Variants in PEG3 observed in about 807,000 individuals in gnomAD.
The protein encoded by PEG3 is paternally expressed 3.
A neutral mutation model predicts 35.5 loss-of-function variants in PEG3; 23 were observed. That is an observed-to-expected ratio of 0.65 (90% confidence interval 0.47 to 0.92). PEG3 has a LOEUF of 0.92. Ranked by LOEUF, PEG3 falls within the 40% of genes least tolerant of loss-of-function variation. The pLI, the probability that PEG3 is intolerant of heterozygous loss-of-function variation, is 0.00. For missense variants in PEG3, 1,960 were observed against 1,985.3 expected (o/e 0.99, Z 0.24); for synonymous variants, 707 against 697.0 (o/e 1.01, Z -0.23).
In PEG3 at chr19:56,816,292, C is replaced by A; in HGVS notation, c.2150G>T (p.Gly717Val). 6.2e-7 allele frequency: 1 copy of A among 1,613,904 alleles called. No homozygotes were observed. Among genetic ancestry groups the A allele is most frequent in the Admixed American group, 1.7e-5 (1 of 60,014 alleles). ...HSRKNLFEGR[G>V]YEKSVIHSGP... Reference sequence around the variant, plus strand: ...ACTATGAATGACAGATTTCTCATACCCTCTGCCTTCAAAGAGGTTCTTTCG... The same window carrying A: ...ACTATGAATGACAGATTTCTCATACACTCTGCCTTCAAAGAGGTTCTTTCG... The change falls in exon 10 of 10, where the codon GGG (glycine) becomes GTG (valine). Residue 717 changes from glycine (G) to valine (V), a missense_variant. Gly to Val is a moderately radical substitution (Grantham distance 109). Around this residue, in one of 5 missense-constraint regions of PEG3, gnomAD observed 798 missense variants for 782.4 expected, o/e 1.02. Coordinates refer to ENST00000326441, the MANE Select transcript of PEG3 (RefSeq NM_006210.3).
At position 56,824,502 on chromosome 19, in the gene PEG3, G is replaced by A. The variant is rs1306029349; in HGVS notation, c.154C>T (p.Leu52=). 2 of 1,613,930 alleles carry A rather than the reference G, an allele frequency of 1.2e-6. No homozygotes were observed. ...SEFFHQRFRN[L]IYVEFVGPRK... is the part of the protein sequence containing the mutation. ...GGCCCAACAAATTCCACATAGATTA[G>A]GTTCCGAAACCTCTGATGAAAAAAC... Residue 52 remains leucine, a synonymous_variant, in exon 4 of 10, where the codon CTA becomes TTA. Transcript: ENST00000326441.
In PEG3 at chr19:56,817,089, T is replaced by C. The variant is rs756006110; in HGVS notation, c.1353A>G (p.Pro451=). 7.4e-6 allele frequency: 12 copies of C among 1,614,106 alleles called. No homozygotes were observed. Among genetic ancestry groups the C allele is most frequent in the East Asian group, 2.2e-5 (1 of 44,876 alleles). The change falls in exon 10 of 10, where the codon CCA becomes CCG. Residue 451 remains proline, a synonymous_variant. Transcript: ENST00000326441. ...ESQPIDFGAM[P]YVCDECGRSF... ...ACCTCCCACACTCATCACATACATA[T>C]GGCATTGCCCCAAAATCAATTGGCT... is the stretch of plus-strand genomic sequence containing the variant.
At position 56,824,298 on chromosome 19, in the gene PEG3, G is replaced by A. The variant is rs199583089; in HGVS notation, c.358C>T (p.Leu120=). 1.9e-5 allele frequency: 30 copies of A among 1,613,986 alleles called. No homozygotes were observed. The highest frequency in any genetic ancestry group is 2.2e-5 in the East Asian group (1 of 44,860). ...TACATCTCCTTGTAATTCTCCAGCA[G>A]AGTGACGAGCTTCTCACAGTTCTCC... ...KPENCEKLVT[L]LENYKEMYQP... is the part of the protein sequence containing the mutation. Residue 120 remains leucine (L), a synonymous_variant, in exon 4 of 10, where the codon CTG becomes TTG. Coordinates refer to ENST00000326441, the MANE Select transcript of PEG3 (RefSeq NM_006210.3).
In PEG3 at chr19:56,824,360, G is replaced by A. The variant is rs751413834; in HGVS notation, c.296C>T (p.Pro99Leu). The change falls in exon 4 of 10, where the codon CCT becomes CTT. Residue 99 changes from proline to leucine, a missense_variant. By Grantham distance (98) the Pro-to-Leu change is moderately conservative. Around this residue, in one of 5 missense-constraint regions of PEG3, gnomAD observed 613 missense variants for 577.1 expected, o/e 1.06. Transcript: ENST00000326441. ...TCGCACCCAAGGCTTGAGCTTTTCA[G>A]GGATGATGGTCAGGTACTGCTCAAG... ...LVLEQYLTII[P>L]EKLKPWVRAK... 1.2e-6 allele frequency: 2 copies of A among 1,614,124 alleles called. No individual in the cohort carries two copies. The highest frequency in any genetic ancestry group is 1.7e-6 in the Non-Finnish European group (2 of 1,180,034).
intron 2 of PEG3, chr19:56,833,269 C>T: frequency 2.2e-6 from 1 of 460,326 alleles, no homozygotes; most frequent in South Asian, 1.6e-5. Context: ...TAGATTCAGC[C>T]CCCTAACTCG....
rs1256857359 is a variant in PEG3, at chr19:56,816,689, G to A, written c.1753C>T (p.His585Tyr). Residue 585 changes from histidine (H) to tyrosine (Y), a missense_variant, in exon 10 of 10, where the codon CAC (histidine) becomes TAC (tyrosine). His to Tyr is a moderately conservative substitution (Grantham distance 83). Coordinates refer to ENST00000326441, the MANE Select transcript of PEG3 (RefSeq NM_006210.3). ...SSALIEHQKI[H>Y]FGDDKDNERE... ...TCATTATCTTTGTCATCCCCAAAGT[G>A]GATTTTCTGGTGCTCAATCAGGGCA... 1.2e-6 allele frequency: 2 copies of A among 1,614,074 alleles called. No individual in the cohort carries two copies. Among genetic ancestry groups the A allele is most frequent in the Admixed American group, 3.3e-5 (2 of 60,024 alleles).
rs200013268 is a variant in PEG3 at position 56,815,416 on chromosome 19, C to A, written c.3026G>T (p.Ser1009Ile). The change falls in exon 10 of 10, where the codon AGC becomes ATC. Residue 1009 changes from serine to isoleucine, a missense_variant. Physicochemically the swap from Ser to Ile is moderately radical, Grantham distance 142. Coordinates refer to ENST00000326441, the MANE Select transcript of PEG3 (RefSeq NM_006210.3). ...TGTTTGAGGGTCAGTAGGGGCCAAG[C>A]TGCGAATGACAGACCATTCATAGTT... Reference protein sequence around the residue: ...SRNYEWSVIRSLAPTDPQTSY... With the variant: ...SRNYEWSVIRILAPTDPQTSY... The A allele has an allele frequency of 6.2e-7, 1 of 1,614,076 alleles. No homozygotes were observed. Among genetic ancestry groups the A allele is most frequent in the Non-Finnish European group, 8.5e-7 (1 of 1,179,948 alleles).
intron 2 of PEG3, among the ~76,000 whole-genome samples, chr19:56,832,376 C>T (rs1006804441): frequency 1.3e-5 from 2 of 152,092 alleles, no homozygotes; most frequent in Admixed American, 6.5e-5. Context: ...AGTGACTGTA[C>T]CACAGAGGGG....
rs753169208 is a variant in PEG3 at position 56,815,177 on chromosome 19, T to C, written c.3265A>G (p.Ile1089Val). ...GGGTCTTCCATGTCTGAGCCTTGAATGACAGGGTCTTCAATTGTCTCCTGA... is the reference window on the plus strand; with the variant it reads ...GGGTCTTCCATGTCTGAGCCTTGAACGACAGGGTCTTCAATTGTCTCCTGA... ...HGQETIEDPV[I>V]QGSDMEDPQK... The change falls in exon 10 of 10, where the codon ATT becomes GTT. Residue 1089 changes from isoleucine to valine, a missense_variant. Coordinates refer to ENST00000326441, the MANE Select transcript of PEG3 (RefSeq NM_006210.3). 1.5e-5 allele frequency: 25 copies of C among 1,613,908 alleles called. No individual in the cohort carries two copies. The highest frequency in any genetic ancestry group is 1.6e-4 in the Middle Eastern group (1 of 6,084).
At position 56,824,726 on chromosome 19, in the gene PEG3, G is replaced by C; in HGVS notation, c.-71C>G. 3 of 1,418,656 alleles carry C rather than the reference G, an allele frequency of 2.1e-6. No homozygotes were observed. The highest frequency in any genetic ancestry group is 2.6e-5 in the South Asian group (2 of 75,506). The allele number at this position is 1,418,656 out of a possible 1,614,324, so 87.9% of individuals were successfully genotyped here. Reference sequence around the variant, plus strand: ...AGGAAAGACGCGGCAGCCTGTGACCGTCAGTACTCAGGGACCTGTGGATCG... The same window carrying C: ...AGGAAAGACGCGGCAGCCTGTGACCCTCAGTACTCAGGGACCTGTGGATCG... On this transcript the variant is annotated 5_prime_UTR_variant, in exon 4 of 10. Coordinates refer to ENST00000326441, the MANE Select transcript of PEG3 (RefSeq NM_006210.3).
intron 5 of PEG3, among the ~76,000 whole-genome samples, chr19:56,823,220 C>A (rs1266467545): frequency 6.6e-6 from 1 of 152,128 alleles, no homozygotes; most frequent in Admixed American, 6.5e-5. Context: ...ACAAAAAAAA[C>A]AAAACCCAAG....
chr19:56,822,919 A>G (rs1039011757), intron 5 of PEG3, 83 bp from the exon 6 acceptor site: 4 of 1,524,568 alleles, frequency 2.6e-6, no homozygotes, highest in Non-Finnish European at 3.6e-6. Flanking sequence ...ACCCCTCTGG[A>G]AAGAGATGCT....
chr19:56,838,899 C>T (rs1477800944), intron 1 of PEG3, among the ~76,000 whole-genome samples: 1 of 152,168 alleles, frequency 6.6e-6, no homozygotes, highest in Non-Finnish European at 1.5e-5. Flanking sequence ...GCAGCCGCCC[C>T]GATCAAAGAT....
Position 56,813,666 on chromosome 19 carries a change from C to T in PEG3, c.*9G>A. The T allele has an allele frequency of 6.2e-7, 1 of 1,608,048 alleles. No homozygotes were observed. Among genetic ancestry groups the T allele is most frequent in the Non-Finnish European group, 8.5e-7 (1 of 1,175,690 alleles). On this transcript the variant is annotated 3_prime_UTR_variant, in exon 10 of 10. Transcript: ENST00000326441. ...TAGGTGAAGGTTTTCTAACCTTTACCCCATGCCCTCAGCCAGTGTGGGTAT... is the reference window on the plus strand; with the variant it reads ...TAGGTGAAGGTTTTCTAACCTTTACTCCATGCCCTCAGCCAGTGTGGGTAT...
rs768359364 is a variant in PEG3, at chr19:56,814,360, T to G, written c.4082A>C (p.Asp1361Ala). 6 of 1,603,278 alleles carry G rather than the reference T, an allele frequency of 3.7e-6. No individual in the cohort carries two copies. Among genetic ancestry groups the G allele is most frequent in the Non-Finnish European group, 5.1e-6 (6 of 1,171,760 alleles). Residue 1361 changes from aspartate to alanine, a missense_variant, in exon 10 of 10, where the codon GAT becomes GCT. This residue lies in a region of PEG3 where 416 missense variants were observed against 416.7 expected (regional missense o/e 1.00). Transcript: ENST00000326441. This position sits in a 1 kb window ranked among gnomAD's most constrained non-coding sequence, Gnocchi z 5.8. ...KELHLEEEEE[D>A]EAAAAAAAAA... ...TGCTGCTGCAGCTGCTGCTGCTTCA[T>G]CTTCTTCTTCTTCTTCCAGATGAAG...
intron 2 of PEG3, among the ~76,000 whole-genome samples, chr19:56,828,451 T>C (rs138217938): frequency 9.9e-5 from 15 of 152,272 alleles, no homozygotes; most frequent in South Asian, 4.1e-4. Context: ...TGCACAAAGA[T>C]ATACAGTTCA....
intron 2 of PEG3, among the ~76,000 whole-genome samples, chr19:56,831,804 T>C (rs1282757386): frequency 6.6e-6 from 1 of 152,226 alleles, no homozygotes; most frequent in Non-Finnish European, 1.5e-5. Flanking sequence ...CTGGTTAACT[T>C]TGTTGCTATT....
chr19:56,828,985 T>C (rs186247365), intron 2 of PEG3, among the ~76,000 whole-genome samples: 17 of 152,132 alleles, frequency 1.1e-4, no homozygotes, highest in African/African-American at 4.1e-4. Flanking sequence ...CTACTTCTTT[T>C]GAACCAGCAA....
chr19:56,833,115 G>C, intron 2 of PEG3: 1 of 513,260 alleles, frequency 1.9e-6, no homozygotes, highest in Non-Finnish European at 3.9e-6. Context: ...ACTAGAAAGC[G>C]TCTGGGACCA....
Sources: gnomAD v4.1 joint callset for allele counts (sites outside exome capture counted in the v4.1 genomes callset) on GRCh38, gnomAD v4.1.1 for gene constraint, gnomAD v4.1.1 regional missense constraint, Gnocchi (gnomAD v3.1) non-coding constraint, MANE v1.5 for transcripts, NCBI Gene and HGNC (gene_info 2026-07-23, HGNC 2026-07-21) for gene names.